GEMIN2: variants seen among roughly 807,000 people sequenced by gnomAD.
GEMIN2 encodes gem-associated protein 2.
A neutral mutation model predicts 45.8 loss-of-function variants in GEMIN2; 37 were observed. That is an observed-to-expected ratio of 0.81 (90% confidence interval 0.62 to 1.06). The LOEUF (loss-of-function observed/expected upper bound fraction) is 1.06. GEMIN2 is among the 50% of genes least tolerant of loss of function. GEMIN2 has a pLI of 0.00. For missense variants in GEMIN2, 335 were observed against 321.8 expected (o/e 1.04, Z -0.31); for synonymous variants, 101 against 111.5 (o/e 0.91, Z 0.60).
At chr14:39,133,907 C>T in intron 9 of GEMIN2, 188 bp downstream of exon 9, 2 of 380,896 alleles carry the variant, frequency 5.3e-6, no homozygotes, top group Admixed American at 4.2e-5. Flanking sequence ...AATCCTCCCA[C>T]CTCAGCCTCC....
At position 39,122,545 on chromosome 14, in the gene GEMIN2, T is replaced by A; in HGVS notation, c.486+2T>A. 1 of 1,427,078 alleles carries A rather than the reference T, an allele frequency of 7.0e-7. No homozygotes were observed. The allele number at this position is 1,427,078 out of a possible 1,614,324, so 88.4% of individuals were successfully genotyped here. A position where few individuals can be genotyped will look rare whatever the true frequency, so the allele number is the denominator to read the frequency against. ...AGTCCTGGAATAGATTATGTACAAG[T>A]AAGGGCTGTGTGGATAAACAGAACA... On this transcript the variant is annotated splice_donor_variant, in intron 5 of 9. Transcript: ENST00000308317. LOFTEE classifies it high-confidence loss of function.
At chr14:39,135,602 AAG>A (rs1491194884) in intron 9 of GEMIN2, among the ~76,000 whole-genome samples, 2 of 151,924 alleles carry the variant, frequency 1.3e-5, no homozygotes, top group African/African-American at 2.4e-5. Context: ...AAAAAGAAAA[AAG>A]AAAAAAAAAA....
chr14:39,132,108 C>CA (rs1566537311), intron 8 of GEMIN2, 40 bp downstream of exon 8: 1 of 881,520 alleles, frequency 1.1e-6, no homozygotes, highest in South Asian at 1.4e-5. Context: ...AAGCACCCAC[C>CA]AATTTATATG....
At chr14:39,127,043 A>G (rs979422361) in intron 6 of GEMIN2, among the ~76,000 whole-genome samples, 7 of 150,822 alleles carry the variant, frequency 4.6e-5, no homozygotes, top group South Asian at 2.1e-4. Context: ...GATTATAGGC[A>G]TGAGCCCACC....
chr14:39,117,906 A>G, intron 2 of GEMIN2, 93 bp from the exon 3 acceptor site: 1 of 567,866 alleles, frequency 1.8e-6, no homozygotes, highest in African/African-American at 2.0e-5. Flanking sequence ...TTTATTATAC[A>G]CTTTATCTTG....
chr14:39,128,947 G>A (rs984120738), intron 7 of GEMIN2, among the ~76,000 whole-genome samples: 2 of 152,056 alleles, frequency 1.3e-5, no homozygotes, highest in Non-Finnish European at 2.9e-5. Flanking sequence ...CTCCTTTCCA[G>A]TATTTAAATA....
intron 6 of GEMIN2, 34 bp downstream of exon 6, chr14:39,125,070 T>C (rs373680508): frequency 5.1e-6 from 5 of 979,426 alleles, no homozygotes; most frequent in Non-Finnish European, 8.2e-6. Context: ...TGCATTCTTT[T>C]GTTTGCATTG....
chr14:39,127,295 G>C (rs1211769588), intron 6 of GEMIN2, among the ~76,000 whole-genome samples: 1 of 148,972 alleles, frequency 6.7e-6, no homozygotes, highest in Non-Finnish European at 1.5e-5. Flanking sequence ...TTGCCGTGTT[G>C]GCCAGGCTGG....
chr14:39,128,170 G>C, intron 6 of GEMIN2, 110 bp from the exon 7 acceptor site: 2 of 671,432 alleles, frequency 3.0e-6, no homozygotes, highest in Non-Finnish European at 5.2e-6. Context: ...TAAAGAATGA[G>C]GCCATTTTTA....
chr14:39,129,934 G>GGTTT (rs1337690770), intron 7 of GEMIN2, among the ~76,000 whole-genome samples: 23 of 61,442 alleles, frequency 3.7e-4, no homozygotes, highest in African/African-American at 5.5e-4. Context: ...AGACAAGTTT[G>GGTTT]TTTTTTTTTT....
rs142068276 is a variant in GEMIN2 at position 39,127,252 on chromosome 14, G to C, written c.532-1028G>C. ...ATTACAGACCCCGCCACCATGCCTG[G>C]CTAATTTTTGTATTTTTAGTAGAGA... On this transcript the variant is annotated intron_variant, in intron 6 of 9. Transcript: ENST00000308317. Among the ~76,000 whole-genome samples, 689 of 149,218 alleles carry C rather than the reference G, an allele frequency of 4.6e-3. 3 individuals carry two copies. Among genetic ancestry groups the C allele is most frequent in the African/African-American group, 0.016 (648 of 40,468 alleles).
At chr14:39,115,099 C>G (rs1314611616) in intron 2 of GEMIN2, among the ~76,000 whole-genome samples, 186 bp downstream of exon 2, 1 of 152,244 alleles carries the variant, frequency 6.6e-6, no homozygotes, top group Non-Finnish European at 1.5e-5. Context: ...AAGAGGCTTT[C>G]TGTAACTCTA....
chr14:39,123,398 G>A (rs897370525), intron 5 of GEMIN2, among the ~76,000 whole-genome samples: 9 of 151,886 alleles, frequency 5.9e-5, no homozygotes, highest in African/African-American at 1.5e-4. Flanking sequence ...AAAGGATATA[G>A]ATACCTCACA....
chr14:39,120,740 G>T (rs1353626334), intron 4 of GEMIN2, among the ~76,000 whole-genome samples: 1 of 152,120 alleles, frequency 6.6e-6, no homozygotes, highest in Non-Finnish European at 1.5e-5. Flanking sequence ...CAATTCTCCT[G>T]CCTCAGCCTC....
At chr14:39,127,903 A>C (rs2052664047) in intron 6 of GEMIN2, among the ~76,000 whole-genome samples, 2 of 151,964 alleles carry the variant, frequency 1.3e-5, no homozygotes. Context: ...CCCTGTCTCT[A>C]CTAAAAATAC....
At chr14:39,124,904 CAGTGTG>C in intron 5 of GEMIN2, 82 bp from the exon 6 acceptor site, 6 of 693,324 alleles carry the variant, frequency 8.7e-6, no homozygotes, top group Non-Finnish European at 1.3e-5. Flanking sequence ...TTCTAAACAA[CAGTGTG>C]GCAAGAAATT....
Position 39,125,037 on chromosome 14 carries a change from G to A in GEMIN2, c.531+1G>A, listed in dbSNP as rs375925661. 76 of 1,399,902 alleles carry A rather than the reference G, an allele frequency of 5.4e-5. No homozygotes were observed. The highest frequency in any genetic ancestry group is 6.6e-5 in the Non-Finnish European group (65 of 988,664). 86.7% of individuals were successfully genotyped at this position (1,399,902 alleles called of 1,614,324 possible). ...TAGTATTGTTAGCAGAATGAATCAGGTAAAATTAATAATAGAGATATATGC... is the reference window on the plus strand; with the variant it reads ...TAGTATTGTTAGCAGAATGAATCAGATAAAATTAATAATAGAGATATATGC... On this transcript the variant is annotated splice_donor_variant, in intron 6 of 9. Coordinates refer to ENST00000308317, the MANE Select transcript of GEMIN2 (RefSeq NM_003616.3). LOFTEE classifies it high-confidence loss of function.
At chr14:39,134,976 TTTTG>T (rs1272070121) in intron 9 of GEMIN2, among the ~76,000 whole-genome samples, 12 of 152,142 alleles carry the variant, frequency 7.9e-5, no homozygotes, top group Admixed American at 2.6e-4. Context: ...GTGTTTTTGT[TTTTG>T]TTTTTGTTTT....
intron 5 of GEMIN2, among the ~76,000 whole-genome samples, chr14:39,123,706 ATATTTTTTTTTTTT>A (rs1380191896): frequency 6.8e-5 from 3 of 43,964 alleles, no homozygotes; most frequent in African/African-American, 2.9e-4. Context: ...ATATATATAT[ATATTTTTTTTTTTT>A]TTTTTTTTTT....
Sources: allele counts gnomAD v4.1 joint callset (sites outside exome capture counted in the v4.1 genomes callset), GRCh38; gene constraint gnomAD v4.1.1; transcripts MANE v1.5; gene names NCBI Gene and HGNC (gene_info 2026-07-23, HGNC 2026-07-21).